MAP1LC3B: variants seen among roughly 807,000 people sequenced by gnomAD.
MAP1LC3B encodes microtubule associated protein 1 light chain 3 beta.
MAP1LC3B carries 12 observed loss-of-function variants against 16.7 expected under a neutral mutation model. That is an observed-to-expected ratio of 0.72 (90% CI 0.46 to 1.16). The LOEUF is 1.16. Among genes scored for constraint, MAP1LC3B ranks in the 50% most tolerant of loss-of-function variants. The probability of loss-of-function intolerance (pLI) is 0.00; values close to 1 mark genes in which losing one functional copy is unlikely to be tolerated. For synonymous variants in MAP1LC3B, 63 were observed against 56.5 expected, an observed-to-expected ratio of 1.11 and a Z score of -0.51; for missense variants, 155 against 159.5, an observed-to-expected ratio of 0.97 and a Z score of 0.15.
intron 2 of MAP1LC3B, chr16:87,399,764 ATTATTTATTTAT>A (rs539921689): frequency 6.3e-6 from 2 of 319,994 alleles, no homozygotes; most frequent in African/African-American, 2.2e-5. Flanking sequence ...GAGCCAATGG[ATTATTTATTTAT>A]TTATTTATTT....
At chr16:87,402,634 C>T in intron 3 of MAP1LC3B, 1 of 542,276 alleles carries the variant, frequency 1.8e-6, no homozygotes, top group Admixed American at 3.4e-5. Flanking sequence ...AGGCTTAGAT[C>T]TTAGAATAGT....
In MAP1LC3B at chr16:87,403,197, A is replaced by T. The variant is rs778983600; in HGVS notation, c.*100A>T. Reference sequence around the variant, plus strand: ...GATCGATCAGTTCATCCAATCACAGATCATGAAACAGTAGTGTTCCCACCT... The same window carrying T: ...GATCGATCAGTTCATCCAATCACAGTTCATGAAACAGTAGTGTTCCCACCT... On this transcript the variant is annotated 3_prime_UTR_variant, in exon 4 of 4. Coordinates refer to ENST00000268607, the MANE Select transcript of MAP1LC3B (RefSeq NM_022818.5). 1 of 1,450,118 alleles carries T rather than the reference A, an allele frequency of 6.9e-7. No individual in the cohort carries two copies. Among genetic ancestry groups the T allele is most frequent in the Non-Finnish European group, 9.3e-7 (1 of 1,073,828 alleles). 89.8% of individuals were successfully genotyped at this position (1,450,118 alleles called of 1,614,324 possible).
At chr16:87,393,941 A>G (rs192765460) in intron 1 of MAP1LC3B, among the ~76,000 whole-genome samples, 73 of 152,330 alleles carry the variant, frequency 4.8e-4, no homozygotes, top group African/African-American at 1.7e-3. Context: ...CTCATAACAG[A>G]AACTATAGTT....
At chr16:87,399,281 G>C (rs1907905938) in intron 2 of MAP1LC3B, 1 of 266,440 alleles carries the variant, frequency 3.8e-6, no homozygotes, top group Non-Finnish European at 7.4e-6. Context: ...CAAAGTGTTG[G>C]GATTATAGGC....
intron 1 of MAP1LC3B, among the ~76,000 whole-genome samples, chr16:87,395,313 A>G (rs955263921): frequency 2.6e-5 from 4 of 152,178 alleles, no homozygotes; most frequent in African/African-American, 9.7e-5. Context: ...TCTGTTTTAC[A>G]GCTTTCATTC....
chr16:87,401,151 A>C (rs1042585521), intron 2 of MAP1LC3B, among the ~76,000 whole-genome samples: 1 of 151,752 alleles, frequency 6.6e-6, no homozygotes, highest in Non-Finnish European at 1.5e-5. Flanking sequence ...AAAAAAAAAA[A>C]AAAAACTTCA....
chr16:87,397,992 T>C (rs1738232857), intron 1 of MAP1LC3B, among the ~76,000 whole-genome samples: 1 of 152,098 alleles, frequency 6.6e-6, no homozygotes, highest in Admixed American at 6.6e-5. Flanking sequence ...GTTGAAATTA[T>C]CAATAAGTGA....
At chr16:87,396,450 G>A (rs982014235) in intron 1 of MAP1LC3B, among the ~76,000 whole-genome samples, 1 of 150,438 alleles carries the variant, frequency 6.6e-6, no homozygotes, top group Non-Finnish European at 1.5e-5. Flanking sequence ...ACTCCAGCCT[G>A]AGTGACAGAG....
rs1436364882 is a variant in MAP1LC3B at position 87,402,276 on chromosome 16, A to G, written c.198A>G (p.Ile66Met). The stretch of plus-strand genomic sequence containing the variant: ...TCAACATGAGTGAGCTCATCAAGAT[A>G]ATTAGGTATTCAGTCACCTTTGTTT... ...DHVNMSELIKIIRRRLQLNAN... is the reference protein window; with the variant it reads ...DHVNMSELIKMIRRRLQLNAN... The change falls in exon 3 of 4, where the codon ATA (isoleucine) becomes ATG (methionine). Residue 66 changes from isoleucine (I) to methionine (M), a missense_variant. Transcript: ENST00000268607. 1 of 1,613,476 alleles carries G rather than the reference A, an allele frequency of 6.2e-7. No individual in the cohort carries two copies. Among genetic ancestry groups the G allele is most frequent in the African/African-American group, 1.3e-5 (1 of 75,014 alleles).
intron 2 of MAP1LC3B, among the ~76,000 whole-genome samples, chr16:87,401,836 CTTTT>C (rs550535300): frequency 3.5e-5 from 5 of 141,522 alleles, no homozygotes; most frequent in African/African-American, 5.2e-5. Context: ...AGCCTGATGA[CTTTT>C]TTTTTTTTTT....
chr16:87,393,704 C>A (rs1031928237), intron 1 of MAP1LC3B, among the ~76,000 whole-genome samples: 8 of 152,038 alleles, frequency 5.3e-5, no homozygotes, highest in African/African-American at 1.7e-4. Context: ...AGTGTCTAGG[C>A]TTATTGAGCC....
chr16:87,401,241 C>T (rs1302260038), intron 2 of MAP1LC3B, among the ~76,000 whole-genome samples: 1 of 151,856 alleles, frequency 6.6e-6, no homozygotes, highest in South Asian at 2.1e-4. Flanking sequence ...AGCCTCTCTG[C>T]CTCGGTAAGG....
chr16:87,397,040 C>G (rs927643506), intron 1 of MAP1LC3B: 4 of 151,886 alleles, frequency 2.6e-5, no homozygotes, highest in Non-Finnish European at 4.4e-5. Flanking sequence ...TGTGGCCAGG[C>G]TAGTCTCAAA....
At chr16:87,399,587 T>C in intron 2 of MAP1LC3B, 1 of 453,136 alleles carries the variant, frequency 2.2e-6, no homozygotes, top group South Asian at 1.6e-5. Flanking sequence ...AACTTCTCTT[T>C]GTTGTGACAG....
Position 87,392,455 on chromosome 16 carries a change from C to G in MAP1LC3B, c.28C>G (p.Arg10Gly). Residue 10 changes from arginine to glycine, a missense_variant, in exon 1 of 4, where the codon CGC becomes GGC. By Grantham distance (125) the Arg-to-Gly change is moderately radical. Coordinates refer to ENST00000268607, the MANE Select transcript of MAP1LC3B (RefSeq NM_022818.5). Reference sequence around the variant, plus strand: ...GCCGTCGGAGAAGACCTTCAAGCAGCGCCGCACCTTCGGTGAGTGTCGCCG... The same window carrying G: ...GCCGTCGGAGAAGACCTTCAAGCAGGGCCGCACCTTCGGTGAGTGTCGCCG... MPSEKTFKQRRTFEQRVEDV... is the reference protein window; with the variant it reads MPSEKTFKQGRTFEQRVEDV... The G allele has an allele frequency of 7.3e-7, 1 of 1,372,488 alleles. No individual in the cohort carries two copies. The highest frequency in any genetic ancestry group is 9.3e-7 in the Non-Finnish European group (1 of 1,071,266). The allele number at this position is 1,372,488 out of a possible 1,614,324, so 85.0% of individuals were successfully genotyped here.
chr16:87,394,707 G>C (rs964274544), intron 1 of MAP1LC3B, among the ~76,000 whole-genome samples: 2 of 152,122 alleles, frequency 1.3e-5, no homozygotes, highest in African/African-American at 2.4e-5. Context: ...ATATTAAGTG[G>C]ACCAAGACTG....
At position 87,392,360 on chromosome 16, in the gene MAP1LC3B, G is replaced by T. The variant is rs1011539393; in HGVS notation, c.-68G>T. On this transcript the variant is annotated 5_prime_UTR_variant, in exon 1 of 4. Transcript: ENST00000268607. ...CAGAGTCGGATTCGCCGCCGCAGCA[G>T]CCGCCGCCCCCGGGAGCCGCCGGGA... The T allele has an allele frequency of 1.3e-5, 17 of 1,358,402 alleles. No individual in the cohort carries two copies. Among genetic ancestry groups the T allele is most frequent in the Non-Finnish European group, 1.6e-5 (17 of 1,059,290 alleles). 84.1% of individuals were successfully genotyped at this position (1,358,402 alleles called of 1,614,324 possible).
At chr16:87,394,578 A>G (rs1403130741) in intron 1 of MAP1LC3B, among the ~76,000 whole-genome samples, 2 of 152,216 alleles carry the variant, frequency 1.3e-5, no homozygotes, top group Non-Finnish European at 2.9e-5. Flanking sequence ...TTGTAGCTAA[A>G]GAAACTGGGT....
chr16:87,400,631 C>T (rs540956066), intron 2 of MAP1LC3B, among the ~76,000 whole-genome samples: 1 of 151,728 alleles, frequency 6.6e-6, no homozygotes, highest in South Asian at 2.1e-4. Context: ...ACTAGACAGT[C>T]TCTAGTGTGG....
Sources: allele counts gnomAD v4.1 joint callset (sites outside exome capture counted in the v4.1 genomes callset), GRCh38; gene constraint gnomAD v4.1.1; transcripts MANE v1.5; gene names NCBI Gene and HGNC (gene_info 2026-07-23, HGNC 2026-07-21).